The following SLIT3 variants were observed in gnomAD, a reference collection of about 807,000 sequenced individuals.
SLIT3 encodes slit homolog 3 protein.
A neutral mutation model predicts 184.0 loss-of-function variants in SLIT3; 68 were observed. The ratio of observed to expected loss-of-function variants is 0.37; its 90% confidence interval spans 0.30 to 0.45. The LOEUF is 0.45. Ranked by LOEUF, SLIT3 falls within the 20% of genes least tolerant of loss-of-function variation. The probability of loss-of-function intolerance (pLI) is 1.00; values close to 1 mark genes in which losing one functional copy is unlikely to be tolerated. For synonymous variants in SLIT3, 831 were observed against 828.6 expected (o/e 1.00, Z -0.05); for missense variants, 1,707 against 2,026.0 (o/e 0.84, Z 3.02).
chr5:169,140,090 G>C (rs1761668359), intron 4 of SLIT3, among the ~76,000 whole-genome samples: 1 of 151,926 alleles, frequency 6.6e-6, no homozygotes, highest in African/African-American at 2.4e-5. Context: ...TGGGGAGCAA[G>C]AGTCCAGGGA....
intron 3 of SLIT3, among the ~76,000 whole-genome samples, chr5:169,222,499 C>T (rs1764646632): frequency 6.6e-6 from 1 of 152,034 alleles, no homozygotes; most frequent in African/African-American, 2.4e-5. Flanking sequence ...GTGACAATTA[C>T]TTGTCAGGAT....
At chr5:169,085,840 C>T (rs1402842014) in intron 4 of SLIT3, among the ~76,000 whole-genome samples, 1 of 152,136 alleles carries the variant, frequency 6.6e-6, no homozygotes, top group South Asian at 2.1e-4. Context: ...AAACCACAGG[C>T]AGAAATGACA....
In SLIT3 at chr5:168,920,986, C is replaced by G. The variant is rs11134552; in HGVS notation, c.414-37650G>C. Among the ~76,000 whole-genome samples the G allele has an allele frequency of 9.1e-3, 1,382 of 152,226 alleles. 45 individuals carry two copies. The East Asian group carries it at 0.13, about 14-fold the overall frequency. On this transcript the variant is annotated intron_variant, in intron 4 of 35. Coordinates refer to ENST00000519560, the MANE Select transcript of SLIT3 (RefSeq NM_003062.4). ...ACTATCATGACACATTGCTCTGCTC[C>G]TTGAGCTGTCAAGAGGTTTAGCTTC... is the stretch of plus-strand genomic sequence containing the variant.
At chr5:168,802,703 C>T (rs541627276) in intron 9 of SLIT3, among the ~76,000 whole-genome samples, 1 of 152,296 alleles carries the variant, frequency 6.6e-6, no homozygotes, top group East Asian at 1.9e-4. Flanking sequence ...GCTCCAGCTC[C>T]TAGGATGTGG....
intron 4 of SLIT3, among the ~76,000 whole-genome samples, chr5:168,890,952 T>C (rs568130550): frequency 6.6e-6 from 1 of 152,350 alleles, no homozygotes; most frequent in South Asian, 2.1e-4. Context: ...TAAGTTCACA[T>C]CCCGGTTCTG....
At chr5:168,883,549 T>C (rs1760041412) in intron 4 of SLIT3, among the ~76,000 whole-genome samples, 2 of 152,192 alleles carry the variant, frequency 1.3e-5, no homozygotes, top group South Asian at 2.1e-4. Context: ...GCGGAGCAGC[T>C]CGCCTCCAGG....
At chr5:169,167,688 C>G (rs1762685058) in intron 4 of SLIT3, among the ~76,000 whole-genome samples, 1 of 152,152 alleles carries the variant, frequency 6.6e-6, no homozygotes, top group Non-Finnish European at 1.5e-5. Flanking sequence ...AGAGGCTAAT[C>G]TGCACTGGTA....
chr5:169,245,350 C>T (rs1257576722), intron 2 of SLIT3, among the ~76,000 whole-genome samples: 1 of 152,176 alleles, frequency 6.6e-6, no homozygotes, highest in East Asian at 1.9e-4. Flanking sequence ...ACTCACCCGC[C>T]TCAGTCCTCC....
At chr5:169,254,085 C>T (rs1765866995) in intron 1 of SLIT3, among the ~76,000 whole-genome samples, 1 of 152,138 alleles carries the variant, frequency 6.6e-6, no homozygotes, top group Non-Finnish European at 1.5e-5. Context: ...CCTCTAGCCC[C>T]CAACTCCACA....
intron 22 of SLIT3, among the ~76,000 whole-genome samples, 189 bp downstream of exon 22, chr5:168,722,744 C>G (rs1406586018): frequency 6.6e-6 from 1 of 152,244 alleles, no homozygotes; most frequent in African/African-American, 2.4e-5. Flanking sequence ...TCCTCTCTAA[C>G]TGCCTGGACA....
intron 4 of SLIT3, among the ~76,000 whole-genome samples, chr5:168,918,141 A>T (rs1370505123): frequency 6.6e-6 from 1 of 152,110 alleles, no homozygotes; most frequent in Non-Finnish European, 1.5e-5. Context: ...GACAGATGTC[A>T]AGTTGATATA....
chr5:169,138,682 C>T (rs972233985), intron 4 of SLIT3, among the ~76,000 whole-genome samples: 6 of 152,194 alleles, frequency 3.9e-5, no homozygotes, highest in Admixed American at 1.3e-4. Context: ...AGAGCTTGTC[C>T]GATGGCACTG....
chr5:169,172,364 C>T (rs1001693294), intron 4 of SLIT3, among the ~76,000 whole-genome samples: 1 of 152,106 alleles, frequency 6.6e-6, no homozygotes, highest in African/African-American at 2.4e-5. Context: ...TTCTTAACAC[C>T]AGTCCTATAA....
chr5:168,933,616 C>T (rs1192224859), intron 4 of SLIT3, among the ~76,000 whole-genome samples: 1 of 152,144 alleles, frequency 6.6e-6, no homozygotes, highest in Non-Finnish European at 1.5e-5. Flanking sequence ...GAAATTGAGG[C>T]TCCAAAGAGC....
At chr5:168,722,453 C>A in intron 22 of SLIT3, 126 bp from the exon 23 acceptor site, 2 of 791,792 alleles carry the variant, frequency 2.5e-6, no homozygotes, top group Non-Finnish European at 4.2e-6. Context: ...GACAGAACAT[C>A]CCCTAAAGGG....
intron 14 of SLIT3, among the ~76,000 whole-genome samples, chr5:168,764,208 T>G (rs1755254128): frequency 6.6e-6 from 1 of 152,204 alleles, no homozygotes. Context: ...GCAGAACATT[T>G]GGCAGCTCAG....
intron 4 of SLIT3, among the ~76,000 whole-genome samples, chr5:169,070,558 G>C (rs1367603750): frequency 6.6e-6 from 1 of 152,104 alleles, no homozygotes; most frequent in East Asian, 1.9e-4. Flanking sequence ...AAACAAGTTT[G>C]AACTTTTGTC....
At chr5:169,055,335 A>T (rs538432874) in intron 4 of SLIT3, among the ~76,000 whole-genome samples, 1 of 152,348 alleles carries the variant, frequency 6.6e-6, no homozygotes, top group South Asian at 2.1e-4. Context: ...AACAAAACAC[A>T]GTAATACAAC....
intron 23 of SLIT3, among the ~76,000 whole-genome samples, chr5:168,721,628 G>A (rs535603882): frequency 2.0e-5 from 3 of 152,188 alleles, no homozygotes; most frequent in Admixed American, 6.5e-5. Flanking sequence ...GCCCTGGTAC[G>A]GCCAGGTCTC....
Sources: allele counts gnomAD v4.1 joint callset (sites outside exome capture counted in the v4.1 genomes callset), GRCh38; gene constraint gnomAD v4.1.1; transcripts MANE v1.5; gene names NCBI Gene and HGNC (gene_info 2026-07-23, HGNC 2026-07-21).